Variants in NMD3 observed in about 807,000 individuals in gnomAD.
The protein encoded by NMD3 is NMD3 ribosome export adaptor.
In NMD3, 47 loss-of-function variants were observed where a neutral mutation model predicts 73.1. The ratio of observed to expected loss-of-function variants is 0.64; its 90% CI spans 0.51 to 0.82. The LOEUF is 0.82. NMD3 is among the 40% of genes least tolerant of loss of function. The pLI, the probability that NMD3 is intolerant of heterozygous loss-of-function variation, is 0.00. For synonymous variants in NMD3, 210 were observed against 194.5 expected (o/e 1.08, Z -0.66); for missense variants, 554 against 612.5 (o/e 0.90, Z 1.01).
rs368845768 is a variant in NMD3 at position 161,237,625 on chromosome 3, C to T, written c.578-488C>T. Among the ~76,000 whole-genome samples the T allele has an allele frequency of 6.1e-4, 92 of 151,106 alleles. No individual in the cohort carries two copies. The East Asian group carries it at 8.6e-3, about 14-fold the overall frequency. The stretch of plus-strand genomic sequence containing the variant: ...TGCGATCTGGGCTCACTGCAACCTC[C>T]GCCAACTGGATTCAAGCGATTCTCC... On this transcript the variant is annotated intron_variant, in intron 7 of 15. Transcript: ENST00000351193.
chr3:161,221,476 C>T (rs565493951), intron 1 of NMD3, 67 bp downstream of exon 1: 1 of 152,440 alleles, frequency 6.6e-6, no homozygotes, highest in East Asian at 1.9e-4. Flanking sequence ...GGGGCGGGCT[C>T]CCCGGCCTCG....
intron 13 of NMD3, 60 bp from the exon 14 acceptor site, chr3:161,249,394 T>C: frequency 9.4e-7 from 1 of 1,069,516 alleles, no homozygotes; most frequent in East Asian, 2.5e-5. Context: ...CTTTATTGAA[T>C]TTTGTGGCCT....
chr3:161,229,092 C>G (rs56378191), intron 4 of NMD3, among the ~76,000 whole-genome samples: 1 of 152,012 alleles, frequency 6.6e-6, no homozygotes, highest in South Asian at 2.1e-4. Flanking sequence ...GTGAATAGAA[C>G]GGAGTGGTGA....
At chr3:161,226,536 G>A (rs1415081163) in intron 3 of NMD3, among the ~76,000 whole-genome samples, 1 of 152,090 alleles carries the variant, frequency 6.6e-6, no homozygotes, top group Non-Finnish European at 1.5e-5. Flanking sequence ...ACCTTGAAAA[G>A]TGAAAGTCAA....
Position 161,242,506 on chromosome 3 carries a change from A to G in NMD3, c.872-2A>G. 6.2e-7 allele frequency: 1 copy of G among 1,610,358 alleles called. No homozygotes were observed. The highest frequency in any genetic ancestry group is 1.3e-5 in the African/African-American group (1 of 74,896). ...GTTTTTGTGTTCTATCCTTATTTTT[A>G]GTGGCAGATATTGATGGGAGCACTT... On this transcript the variant is annotated splice_acceptor_variant, in intron 10 of 15. Coordinates refer to ENST00000351193, the MANE Select transcript of NMD3 (RefSeq NM_015938.5). LOFTEE classifies it high-confidence loss of function.
chr3:161,245,578 A>G (rs1737168300), intron 11 of NMD3, among the ~76,000 whole-genome samples: 2 of 151,822 alleles, frequency 1.3e-5, no homozygotes, highest in South Asian at 4.2e-4. Flanking sequence ...GCAATAAGAA[A>G]CACTTGATTC....
At chr3:161,248,930 A>G (rs1172023030) in intron 13 of NMD3, among the ~76,000 whole-genome samples, 2 of 152,184 alleles carry the variant, frequency 1.3e-5, no homozygotes, top group African/African-American at 4.8e-5. Flanking sequence ...GTGTAAGTCT[A>G]AATAGGTATT....
chr3:161,252,759 T>C (rs1243844002), downstream of NMD3: 1 of 676,064 alleles, frequency 1.5e-6, no homozygotes, highest in Non-Finnish European at 2.7e-6. Context: ...ATGACCATTT[T>C]TTTTTGTAGC....
intron 4 of NMD3, among the ~76,000 whole-genome samples, chr3:161,232,305 C>G (rs1736574730): frequency 6.6e-6 from 1 of 152,092 alleles, no homozygotes; most frequent in Non-Finnish European, 1.5e-5. Context: ...TGCATCTACA[C>G]TAAAAGTGGC....
rs1401429578 is a variant in NMD3, at chr3:161,238,768, A to G, written c.695A>G (p.His232Arg). ...ASQRLISQDI[H>R]SNTYNYKSTF... ...CAAAGACTGATCTCTCAAGATATCCATAGTAACACATACAATTACAAAAGC... is the reference window on the plus strand; with the variant it reads ...CAAAGACTGATCTCTCAAGATATCCGTAGTAACACATACAATTACAAAAGC... Residue 232 changes from histidine (H) to arginine (R), a missense_variant, in exon 9 of 16, where the codon CAT becomes CGT. His to Arg is a conservative substitution (Grantham distance 29). Coordinates refer to ENST00000351193, the MANE Select transcript of NMD3 (RefSeq NM_015938.5). 2 of 1,579,216 alleles carry G rather than the reference A, an allele frequency of 1.3e-6. No individual in the cohort carries two copies. The highest frequency in any genetic ancestry group is 1.7e-6 in the Non-Finnish European group (2 of 1,156,268).
In NMD3 at chr3:161,230,756, A is replaced by G. The variant is rs115656751; in HGVS notation, c.277-2643A>G. The stretch of plus-strand genomic sequence containing the variant: ...GTTGATCTTGATGGGAGTATGGATA[A>G]TTCATCTGTGGTAACAGCAGGGAAG... On this transcript the variant is annotated intron_variant, in intron 4 of 15. Coordinates refer to ENST00000351193, the MANE Select transcript of NMD3 (RefSeq NM_015938.5). 6.0e-3 allele frequency among the ~76,000 whole-genome samples: 913 copies of G among 152,306 alleles called. 6 individuals are homozygous for G. The highest frequency in any genetic ancestry group is 0.021 in the African/African-American group (879 of 41,566).
chr3:161,242,931 AT>A (rs1258943246), intron 11 of NMD3, among the ~76,000 whole-genome samples: 2 of 151,942 alleles, frequency 1.3e-5, no homozygotes, highest in African/African-American at 4.8e-5. Context: ...TCTTTGCTTT[AT>A]TTTTATAGAG....
chr3:161,224,329 C>T (rs990179772), intron 2 of NMD3, among the ~76,000 whole-genome samples: 13 of 152,116 alleles, frequency 8.5e-5, no homozygotes, highest in Admixed American at 2.6e-4. Context: ...ACATTTCTGT[C>T]GTGGCATGAA....
chr3:161,246,549 A>G, intron 12 of NMD3, 101 bp downstream of exon 12: 2 of 481,048 alleles, frequency 4.2e-6, no homozygotes, highest in Admixed American at 3.3e-5. Context: ...TATTCTAAAA[A>G]GATCGAAGGG....
At position 161,250,194 on chromosome 3, in the gene NMD3, C is replaced by G. The variant is rs530055341; in HGVS notation, c.1311-62C>G. 53 of 918,318 alleles carry G rather than the reference C, an allele frequency of 5.8e-5. No homozygotes were observed. In the East Asian group the frequency reaches 1.3e-3, roughly 23 times the overall value. 56.9% of individuals were successfully genotyped at this position (918,318 alleles called of 1,614,324 possible). A position where few individuals can be genotyped will look rare whatever the true frequency, so the allele number is the denominator to read the frequency against. On this transcript the variant is annotated intron_variant, in intron 14 of 15. Transcript: ENST00000351193. Reference sequence around the variant, plus strand: ...TCTACATAGTCCTTAAAATGAAAGTCCTTAAATGAAGAAAATATAACTATA... The same window carrying G: ...TCTACATAGTCCTTAAAATGAAAGTGCTTAAATGAAGAAAATATAACTATA...
At chr3:161,241,236 T>G (rs888905511) in intron 10 of NMD3, 73 bp downstream of exon 10, 18 of 898,720 alleles carry the variant, frequency 2.0e-5, no homozygotes, top group Non-Finnish European at 3.3e-5. Flanking sequence ...TGTTGTTAAT[T>G]TTTCAAGCAT....
intron 12 of NMD3, 139 bp from the exon 13 acceptor site, chr3:161,247,119 T>G (rs778704686): frequency 1.7e-6 from 1 of 580,612 alleles, no homozygotes; most frequent in Non-Finnish European, 3.1e-6. Context: ...ATGTTCATTG[T>G]GTAATAAATG....
At chr3:161,243,579 A>G (rs1451827464) in intron 11 of NMD3, among the ~76,000 whole-genome samples, 1 of 152,128 alleles carries the variant, frequency 6.6e-6, no homozygotes, top group Admixed American at 6.6e-5. Flanking sequence ...TGGTTATGAT[A>G]CCAACTTCCT....
chr3:161,235,628 TTTAA>T (rs1467915912), intron 7 of NMD3, among the ~76,000 whole-genome samples: 1 of 152,114 alleles, frequency 6.6e-6, no homozygotes, highest in Non-Finnish European at 1.5e-5. Flanking sequence ...CTACCTAGCA[TTTAA>T]TTAACCTCTA....
Sources: allele counts gnomAD v4.1 joint callset (sites outside exome capture counted in the v4.1 genomes callset), GRCh38; gene constraint gnomAD v4.1.1; transcripts MANE v1.5; gene names NCBI Gene and HGNC (gene_info 2026-07-23, HGNC 2026-07-21).